The following KIF6 variants were observed in gnomAD, a reference collection of about 807,000 sequenced individuals.
The protein encoded by KIF6 is kinesin-like protein KIF6.
A neutral mutation model predicts 112.7 loss-of-function variants in KIF6; 106 were observed. That is an observed-to-expected ratio of 0.94 (90% CI 0.80 to 1.11). The LOEUF is 1.11. Among genes scored for constraint, KIF6 ranks in the 50% least tolerant of loss-of-function variants. The pLI is 0.00. For missense variants in KIF6, 929 were observed against 964.0 expected, an observed-to-expected ratio of 0.96 and a Z score of 0.48; for synonymous variants, 339 against 339.9, an observed-to-expected ratio of 1.00 and a Z score of 0.03.
chr6:39,362,811 T>C lies in KIF6; in HGVS notation c.1862-293A>G, dbSNP rs535269730. Reference sequence around the variant, plus strand: ...TTGAGCTCATTCATTTCCTGTTGAGTTTCCAGGGAAGACGCAAAATAGCAT... The same window carrying C: ...TTGAGCTCATTCATTTCCTGTTGAGCTTCCAGGGAAGACGCAAAATAGCAT... On this transcript the variant is annotated intron_variant, in intron 16 of 22. Coordinates refer to ENST00000287152, the MANE Select transcript of KIF6 (RefSeq NM_145027.6). Among the ~76,000 whole-genome samples, 4 of 152,140 alleles carry C rather than the reference T, an allele frequency of 2.6e-5. No individual in the cohort carries two copies. In the East Asian group the frequency reaches 5.8e-4, roughly 22 times the overall value.
In KIF6 at chr6:39,532,478, A is replaced by T. The variant is rs114603098; in HGVS notation, c.1645+7525T>A. On this transcript the variant is annotated intron_variant, in intron 13 of 22. Transcript: ENST00000287152. ...GGCCCCCTTTTCCCAACCAGCAAAG[A>T]TGTATAGAAAACTATCACAGGGAGG... Among the ~76,000 whole-genome samples, 1,345 of 152,320 alleles carry T rather than the reference A, an allele frequency of 8.8e-3. 21 individuals are homozygous for T. Among genetic ancestry groups the T allele is most frequent in the African/African-American group, 0.031 (1,287 of 41,586 alleles).
At chr6:39,506,389 T>C (rs1582004128) in intron 13 of KIF6, among the ~76,000 whole-genome samples, 1 of 152,006 alleles carries the variant, frequency 6.6e-6, no homozygotes, top group Non-Finnish European at 1.5e-5. Flanking sequence ...GAGAGCATCA[T>C]GACAAATTGC....
chr6:39,457,002 G>C (rs1451725254), intron 13 of KIF6, among the ~76,000 whole-genome samples: 2 of 144,370 alleles, frequency 1.4e-5, no homozygotes, highest in African/African-American at 2.7e-5. Context: ...ATTGAACTCA[G>C]CTCTGCACCA....
chr6:39,687,117 A>C (rs1000058986), intron 3 of KIF6, among the ~76,000 whole-genome samples: 15 of 152,166 alleles, frequency 9.9e-5, no homozygotes, highest in Non-Finnish European at 2.1e-4. Flanking sequence ...GCAGCGCCAC[A>C]ACACAAGCCC....
Position 39,596,175 on chromosome 6 carries a change from C to A in KIF6, c.725G>T (p.Arg242Leu), listed in dbSNP as rs531307501. 5.0e-6 allele frequency: 8 copies of A among 1,613,932 alleles called. No homozygotes were observed. In the African/African-American group the frequency reaches 6.7e-5, roughly 13 times the overall value. ...SSKEPGSATV[R>L]HAKLHLVDLA... ...GTCAACCAGATGGAGTTTGGCATGT[C>A]GTACAGTTGCAGATCCTGGTTCCTT... is the stretch of plus-strand genomic sequence containing the variant. The change falls in exon 7 of 23, where the codon CGA (arginine) becomes CTA (leucine). Residue 242 changes from arginine to leucine, a missense_variant. Physicochemically the swap from Arg to Leu is moderately radical, Grantham distance 102. Coordinates refer to ENST00000287152, the MANE Select transcript of KIF6 (RefSeq NM_145027.6).
At chr6:39,469,388 A>T (rs990236929) in intron 13 of KIF6, among the ~76,000 whole-genome samples, 6 of 152,026 alleles carry the variant, frequency 3.9e-5, no homozygotes, top group East Asian at 1.9e-4. Context: ...CATGAGATTT[A>T]AAAAAAACCA....
chr6:39,447,591 C>T (rs557679036), intron 13 of KIF6, among the ~76,000 whole-genome samples: 1 of 152,216 alleles, frequency 6.6e-6, no homozygotes, highest in South Asian at 2.1e-4. Flanking sequence ...AAAAGATAAT[C>T]TATTTGTAGT....
At chr6:39,420,922 T>C (rs1356629217) in intron 14 of KIF6, among the ~76,000 whole-genome samples, 1 of 152,198 alleles carries the variant, frequency 6.6e-6, no homozygotes, top group Non-Finnish European at 1.5e-5. Flanking sequence ...TCCTTTATGT[T>C]TCTGGCCTAT....
At chr6:39,350,894 C>CA (rs1411107309) in intron 19 of KIF6, among the ~76,000 whole-genome samples, 1 of 152,162 alleles carries the variant, frequency 6.6e-6, no homozygotes, top group Non-Finnish European at 1.5e-5. Flanking sequence ...ATGGGGCAGC[C>CA]AGCCACTCAA....
At chr6:39,584,782 T>C (rs1027322817) in intron 9 of KIF6, 116 bp downstream of exon 9, 8 of 621,116 alleles carry the variant, frequency 1.3e-5, no homozygotes, top group Non-Finnish European at 2.0e-5. Flanking sequence ...TTAAATGAGT[T>C]AATATGTTTC....
chr6:39,486,164 ATAAGATAT>A (rs1775099299), intron 13 of KIF6, among the ~76,000 whole-genome samples: 1 of 152,254 alleles, frequency 6.6e-6, no homozygotes, highest in Non-Finnish European at 1.5e-5. Context: ...GACTTGATTA[ATAAGATAT>A]CACGGAAGTA....
chr6:39,642,277 C>T (rs532067947), intron 3 of KIF6, among the ~76,000 whole-genome samples: 4 of 152,106 alleles, frequency 2.6e-5, no homozygotes, highest in Admixed American at 2.6e-4. Flanking sequence ...AGGCTCACAC[C>T]AATCCAAGAA....
At chr6:39,641,602 C>A (rs1448480791) in intron 3 of KIF6, among the ~76,000 whole-genome samples, 4 of 151,826 alleles carry the variant, frequency 2.6e-5, no homozygotes, top group Admixed American at 6.6e-5. Flanking sequence ...ATGTAACTAA[C>A]CTGCACGTTG....
intron 13 of KIF6, among the ~76,000 whole-genome samples, chr6:39,523,600 G>GGC (rs1157212034): frequency 1.5e-5 from 2 of 130,902 alleles, no homozygotes; most frequent in Non-Finnish European, 3.1e-5. Context: ...AAGTTCCCTA[G>GGC]GCCTCAGTGC....
chr6:39,500,990 A>T (rs1054235957), intron 13 of KIF6, among the ~76,000 whole-genome samples: 5 of 152,172 alleles, frequency 3.3e-5, no homozygotes, highest in Admixed American at 2.0e-4. Context: ...ACTCATGGAG[A>T]GGAATGGAAG....
At chr6:39,580,994 A>G (rs548400769) in intron 9 of KIF6, among the ~76,000 whole-genome samples, 3 of 152,258 alleles carry the variant, frequency 2.0e-5, no homozygotes, top group Admixed American at 1.3e-4. Context: ...ATGTCATATT[A>G]ATAATCTTCC....
intron 16 of KIF6, among the ~76,000 whole-genome samples, chr6:39,381,606 G>A (rs1488506867): frequency 6.6e-6 from 1 of 152,094 alleles, no homozygotes; most frequent in Non-Finnish European, 1.5e-5. Flanking sequence ...GTCTTGAGAG[G>A]TTTCTCTCAA....
intron 15 of KIF6, among the ~76,000 whole-genome samples, chr6:39,389,913 C>A (rs2150321129): frequency 6.6e-6 from 1 of 151,920 alleles, no homozygotes; most frequent in East Asian, 1.9e-4. Flanking sequence ...CACCTGTAAT[C>A]CCAGCTACTT....
At position 39,668,975 on chromosome 6, in the gene KIF6, C is replaced by T. The variant is rs181193930; in HGVS notation, c.252-29218G>A. Among the ~76,000 whole-genome samples the T allele has an allele frequency of 5.2e-3, 796 of 151,986 alleles. 3 individuals are homozygous for T. The highest frequency in any genetic ancestry group is 7.9e-3 in the Non-Finnish European group (536 of 67,980). ...GCAACTTTGACTAGTCCATAAAATC[C>T]TTATTTTAGCTAGTGGTGAGAAAGT... On this transcript the variant is annotated intron_variant, in intron 3 of 22. Coordinates refer to ENST00000287152, the MANE Select transcript of KIF6 (RefSeq NM_145027.6).
Sources: allele counts gnomAD v4.1 joint callset (sites outside exome capture counted in the v4.1 genomes callset), GRCh38; gene constraint gnomAD v4.1.1; transcripts MANE v1.5; gene names NCBI Gene and HGNC (gene_info 2026-07-23, HGNC 2026-07-21).